Variants in LRBA observed in about 807,000 individuals in gnomAD.
LRBA encodes lipopolysaccharide-responsive and beige-like anchor protein.
In LRBA, 176 loss-of-function variants were observed where a neutral mutation model predicts 330.0. The ratio of observed to expected loss-of-function variants is 0.53; its 90% CI spans 0.47 to 0.60. The LOEUF is 0.60. LRBA is among the 20% of genes least tolerant of loss of function. The pLI is 0.00. For synonymous variants in LRBA, 1,230 were observed against 1,193.0 expected, an observed-to-expected ratio of 1.03 and a Z score of -0.64; for missense variants, 3,259 against 3,444.8, an observed-to-expected ratio of 0.95 and a Z score of 1.35.
At chr4:150,427,599 G>C (rs1248945595) in intron 46 of LRBA, among the ~76,000 whole-genome samples, 1 of 151,892 alleles carries the variant, frequency 6.6e-6, no homozygotes, top group Non-Finnish European at 1.5e-5. Flanking sequence ...GGGAAGATAG[G>C]AAGGAGAAAG....
intron 38 of LRBA, among the ~76,000 whole-genome samples, chr4:150,598,514 C>A (rs1367849291): frequency 6.6e-6 from 1 of 152,082 alleles, no homozygotes; most frequent in Non-Finnish European, 1.5e-5. Context: ...TCTATCATAA[C>A]CATCTTCAAA....
At chr4:150,480,764 A>G (rs1437935378) in intron 42 of LRBA, among the ~76,000 whole-genome samples, 1 of 152,198 alleles carries the variant, frequency 6.6e-6, no homozygotes, top group African/African-American at 2.4e-5. Context: ...GTGATGTGAT[A>G]TACATAAGAC....
intron 37 of LRBA, among the ~76,000 whole-genome samples, chr4:150,626,714 T>A (rs996537334): frequency 6.6e-5 from 10 of 152,126 alleles, no homozygotes; most frequent in African/African-American, 2.2e-4. Context: ...TTTAACAAAT[T>A]AAGATTTCAC....
intron 30 of LRBA, among the ~76,000 whole-genome samples, chr4:150,823,741 CT>C (rs1403368949): frequency 6.6e-6 from 1 of 151,982 alleles, no homozygotes; most frequent in African/African-American, 2.4e-5. Flanking sequence ...TTCTTGGCAC[CT>C]TTGTCAAAAA....
intron 36 of LRBA, among the ~76,000 whole-genome samples, chr4:150,717,613 T>G (rs1272259069): frequency 4.0e-5 from 6 of 150,436 alleles, no homozygotes; most frequent in Non-Finnish European, 8.9e-5. Context: ...TGAGCCAAAA[T>G]CGCACCACTA....
At chr4:150,981,771 T>A (rs1740865530) in intron 2 of LRBA, among the ~76,000 whole-genome samples, 1 of 151,918 alleles carries the variant, frequency 6.6e-6, no homozygotes, top group Admixed American at 6.6e-5. Flanking sequence ...CCATCCTGGC[T>A]AACACGGCGA....
intron 38 of LRBA, among the ~76,000 whole-genome samples, chr4:150,592,949 G>C (rs770315480): frequency 2.6e-5 from 4 of 151,590 alleles, no homozygotes; most frequent in African/African-American, 4.8e-5. Flanking sequence ...TTTTTTTAAA[G>C]GCTAAAAAGA....
intron 14 of LRBA, among the ~76,000 whole-genome samples, chr4:150,898,359 CCTT>C (rs754871212): frequency 1.1e-4 from 16 of 152,052 alleles, no homozygotes; most frequent in Non-Finnish European, 2.2e-4. Context: ...TCTGACATCT[CCTT>C]CTCTGCTTAG....
chr4:150,878,640 G>C (rs1728016951), intron 17 of LRBA, among the ~76,000 whole-genome samples: 1 of 150,718 alleles, frequency 6.6e-6, no homozygotes, highest in Non-Finnish European at 1.5e-5. Context: ...AGCACAATCA[G>C]AAATGACAAA....
chr4:150,837,886 T>A (rs2126857609), intron 28 of LRBA, among the ~76,000 whole-genome samples: 1 of 152,360 alleles, frequency 6.6e-6, no homozygotes, highest in South Asian at 2.1e-4. Context: ...CTTCCTAGCA[T>A]CGATGGTCTT....
chr4:150,819,481 A>AGT, intron 30 of LRBA, among the ~76,000 whole-genome samples: 1 of 152,080 alleles, frequency 6.6e-6, no homozygotes, highest in East Asian at 1.9e-4. Context: ...AATATTTAAG[A>AGT]GTGAAGTGAA....
chr4:150,489,612 A>G (rs1372214723), intron 41 of LRBA, among the ~76,000 whole-genome samples: 1 of 34,826 alleles, frequency 2.9e-5, no homozygotes, highest in Non-Finnish European at 8.2e-5. Flanking sequence ...TATAATATAT[A>G]ATATATAAGA....
At chr4:150,924,869 A>G (rs1733716596) in intron 4 of LRBA, among the ~76,000 whole-genome samples, 1 of 151,866 alleles carries the variant, frequency 6.6e-6, no homozygotes, top group Non-Finnish European at 1.5e-5. Flanking sequence ...AATCTTTTTT[A>G]TGTAGATTAT....
chr4:150,957,468 G>A (rs1358594590), intron 2 of LRBA, among the ~76,000 whole-genome samples: 5 of 148,454 alleles, frequency 3.4e-5, no homozygotes, highest in Non-Finnish European at 7.4e-5. Context: ...ACAACATGTG[G>A]GAATTGTGGG....
intron 40 of LRBA, among the ~76,000 whole-genome samples, chr4:150,564,001 C>T (rs996670016): frequency 1.1e-4 from 16 of 152,160 alleles, no homozygotes; most frequent in East Asian, 3.9e-4. Context: ...ATCAAGCTAC[C>T]AATGACTTTC....
At chr4:150,984,457 G>A (rs1579403138) in intron 2 of LRBA, among the ~76,000 whole-genome samples, 1 of 152,054 alleles carries the variant, frequency 6.6e-6, no homozygotes, top group Non-Finnish European at 1.5e-5. Flanking sequence ...TGTGGTGAGT[G>A]GAGATTGCGC....
chr4:150,695,199 A>G (rs2126970425), intron 36 of LRBA, among the ~76,000 whole-genome samples: 1 of 152,348 alleles, frequency 6.6e-6, no homozygotes, highest in East Asian at 1.9e-4. Context: ...GTAATAACAT[A>G]AAATGTAAGC....
At chr4:150,436,901 A>G (rs778732934) in intron 44 of LRBA, 37 bp from the exon 45 acceptor site, 7 of 1,592,356 alleles carry the variant, frequency 4.4e-6, no homozygotes, top group African/African-American at 2.7e-5. Context: ...GAATACATCA[A>G]TGTAATCATC....
rs373782725 is a variant in LRBA at position 150,323,025 on chromosome 4, G to GTGTGTGTGTGTGTGTGTGTGTGTGTT, written c.7453-1658_7453-1657insAACACACACACACACACACACACACA. ...TGTGTGTGTGTGTGTGTGTGTGTGT[G>GTGTGTGTGTGTGTGTGTGTGTGTGTT]GGGATGCATTGATGGTTGATGGGGG... On this transcript the variant is annotated intron_variant, in intron 49 of 56. Coordinates refer to ENST00000651943, the MANE Select transcript of LRBA (RefSeq NM_001364905.1). Among the ~76,000 whole-genome samples, 329 of 142,634 alleles carry GTGTGTGTGTGTGTGTGTGTGTGTGTT rather than the reference G, an allele frequency of 2.3e-3. 2 individuals carry two copies. The highest frequency in any genetic ancestry group is 2.7e-3 in the African/African-American group (101 of 36,798). The allele number at this position is 142,634 out of a possible 152,430, so 93.6% of individuals were successfully genotyped here.
Sources: gnomAD v4.1 joint callset for allele counts (sites outside exome capture counted in the v4.1 genomes callset) on GRCh38, gnomAD v4.1.1 for gene constraint, MANE v1.5 for transcripts, NCBI Gene and HGNC (gene_info 2026-07-23, HGNC 2026-07-21) for gene names.